Variants in ABCA13 observed in about 807,000 individuals in gnomAD.
ABCA13 encodes ATP binding cassette subfamily A member 13, also known as ATP-binding cassette sub-family A member 13.
A neutral mutation model predicts 478.7 loss-of-function variants in ABCA13; 476 were observed. The observed-to-expected ratio is 0.99, with a 90% CI of 0.92 to 1.07. ABCA13 has a LOEUF of 1.07. Among genes scored for constraint, ABCA13 ranks in the 50% least tolerant of loss-of-function variants. ABCA13 has a pLI of 0.00. For synonymous variants in ABCA13, 2,252 were observed against 2,158.9 expected (o/e 1.04, Z -1.20); for missense variants, 6,060 against 5,910.6 (o/e 1.03, Z -0.83).
rs761680888 is a variant in ABCA13 at position 48,279,182 on chromosome 7, C to T, written c.7988C>T (p.Thr2663Ile). 5 of 1,599,186 alleles carry T rather than the reference C, an allele frequency of 3.1e-6. No individual in the cohort carries two copies. The East Asian group carries it at 1.1e-4, about 36-fold the overall frequency. ...RSLAVAFNNE[T>I]QTFSMDSVNL... ...CTTGCGGTAGCATTTAACAATGAGACTCAAACATTTTCTATGGATTCTGTC... is the reference window on the plus strand; with the variant it reads ...CTTGCGGTAGCATTTAACAATGAGATTCAAACATTTTCTATGGATTCTGTC... The change falls in exon 18 of 62, where the codon ACT (threonine) becomes ATT (isoleucine). Residue 2663 changes from threonine to isoleucine, a missense_variant. Thr to Ile is a moderately conservative substitution (Grantham distance 89, BLOSUM62 -1). This residue lies in a region of ABCA13 where 4,423 missense variants were observed against 4,309.1 expected (regional missense o/e 1.03). Transcript: ENST00000435803.
intron 58 of ABCA13, among the ~76,000 whole-genome samples, chr7:48,595,558 A>C (rs557608987): frequency 2.2e-4 from 33 of 152,354 alleles, no homozygotes; most frequent in African/African-American, 7.7e-4. Flanking sequence ...GGATGTTGAC[A>C]GAAGAAATGA....
chr7:48,641,515 A>C (rs531996413), intron 59 of ABCA13, among the ~76,000 whole-genome samples: 1 of 152,340 alleles, frequency 6.6e-6, no homozygotes, highest in South Asian at 2.1e-4. Context: ...TACTATAATT[A>C]ATCTATTTGC....
chr7:48,469,910 A>C, intron 44 of ABCA13, among the ~76,000 whole-genome samples: 2 of 143,942 alleles, frequency 1.4e-5, no homozygotes, highest in African/African-American at 2.5e-5. Context: ...ACAGGGTGAG[A>C]CTCCATCTCA....
chr7:48,497,552 C>T (rs1165534371), intron 48 of ABCA13, among the ~76,000 whole-genome samples: 1 of 152,164 alleles, frequency 6.6e-6, no homozygotes, highest in Non-Finnish European at 1.5e-5. Flanking sequence ...GGCAAGCCCT[C>T]TGTTGAGGAA....
At chr7:48,459,616 G>A (rs1393265173) in intron 43 of ABCA13, among the ~76,000 whole-genome samples, 9 of 152,090 alleles carry the variant, frequency 5.9e-5, no homozygotes, top group Admixed American at 2.0e-4. Context: ...AACTTAGTGC[G>A]GGAGATTCTT....
chr7:48,410,997 TTC>T (rs1491036973), intron 40 of ABCA13, among the ~76,000 whole-genome samples: 7 of 104,756 alleles, frequency 6.7e-5, no homozygotes, highest in African/African-American at 2.1e-4. Flanking sequence ...CTTTCTTTCT[TTC>T]TTTCTTTCTT....
At chr7:48,420,822 C>T (rs551980728) in intron 41 of ABCA13, among the ~76,000 whole-genome samples, 2 of 151,890 alleles carry the variant, frequency 1.3e-5, no homozygotes, top group Admixed American at 1.3e-4. Flanking sequence ...CAATTGTGCC[C>T]CTCATGTCCC....
chr7:48,595,085 C>T (rs1790150648), intron 58 of ABCA13, among the ~76,000 whole-genome samples: 1 of 152,308 alleles, frequency 6.6e-6, no homozygotes, highest in South Asian at 2.1e-4. Flanking sequence ...CTTGCCTCAT[C>T]CATTGCTACT....
intron 52 of ABCA13, among the ~76,000 whole-genome samples, chr7:48,519,239 T>A (rs1377785130): frequency 6.6e-6 from 1 of 152,188 alleles, no homozygotes; most frequent in Non-Finnish European, 1.5e-5. Flanking sequence ...GTCTTTGCTA[T>A]TGTGAATAGT....
chr7:48,347,697 C>T (rs961446471), intron 29 of ABCA13, among the ~76,000 whole-genome samples: 8 of 152,156 alleles, frequency 5.3e-5, no homozygotes, highest in Non-Finnish European at 7.4e-5. Context: ...TGGAAAGTCC[C>T]CTGCCACACA....
intron 31 of ABCA13, among the ~76,000 whole-genome samples, chr7:48,361,013 T>C (rs1223160648): frequency 4.0e-5 from 6 of 151,712 alleles, no homozygotes; most frequent in Middle Eastern, 6.8e-3. Context: ...GGAGAATTGC[T>C]TGAGCCCAGG....
At chr7:48,587,001 G>A (rs1037824282) in intron 56 of ABCA13, among the ~76,000 whole-genome samples, 153 bp from the exon 57 acceptor site, 1 of 152,154 alleles carries the variant, frequency 6.6e-6, no homozygotes, top group Admixed American at 6.5e-5. Flanking sequence ...TGCCTGTATG[G>A]TAAAGGGGGA....
intron 31 of ABCA13, among the ~76,000 whole-genome samples, chr7:48,356,094 C>A (rs1024555617): frequency 2.0e-5 from 3 of 151,944 alleles, no homozygotes; most frequent in African/African-American, 7.3e-5. Context: ...GGAGGAAAAC[C>A]TACAGAGTGT....
chr7:48,266,042 T>C (rs1274377800), intron 15 of ABCA13, among the ~76,000 whole-genome samples: 1 of 151,766 alleles, frequency 6.6e-6, no homozygotes, highest in East Asian at 1.9e-4. Flanking sequence ...TTGAATTTAG[T>C]TTTTGTAAAA....
rs1460711620 is a variant in ABCA13 at position 48,646,227 on chromosome 7, G to T, written c.*715G>T. The T allele has an allele frequency of 6.6e-6, 1 of 152,176 alleles. No homozygotes were observed. Among genetic ancestry groups the T allele is most frequent in the Non-Finnish European group, 1.5e-5 (1 of 68,044 alleles). 9.4% of individuals were successfully genotyped at this position (152,176 alleles called of 1,614,324 possible). A position where few individuals can be genotyped will look rare whatever the true frequency, so the allele number is the denominator to read the frequency against. ...CCAGGTTATAATTTATGAGGGTAGAGAAATAAAATGTAGATGCATTTTCTT... is the reference window on the plus strand; with the variant it reads ...CCAGGTTATAATTTATGAGGGTAGATAAATAAAATGTAGATGCATTTTCTT... On this transcript the variant is annotated 3_prime_UTR_variant, in exon 62 of 62. Transcript: ENST00000435803.
rs1031272158 is a variant in ABCA13 at position 48,370,558 on chromosome 7, A to G, written c.10804-1610A>G. Among the ~76,000 whole-genome samples, 4 of 152,248 alleles carry G rather than the reference A, an allele frequency of 2.6e-5. No individual in the cohort carries two copies. The South Asian group carries it at 8.3e-4, about 32-fold the overall frequency. ...CATATACGGCTCAGACCATAGTGAA[A>G]TAAAATTGGAAATCAACTACAAAAA... On this transcript the variant is annotated intron_variant, in intron 32 of 61. Coordinates refer to ENST00000435803, the MANE Select transcript of ABCA13 (RefSeq NM_152701.5).
chr7:48,382,858 G>T (rs1202594190), intron 35 of ABCA13, among the ~76,000 whole-genome samples: 1 of 152,044 alleles, frequency 6.6e-6, no homozygotes, highest in African/African-American at 2.4e-5. Context: ...CCACTAGAGG[G>T]TGTGACTAGT....
At chr7:48,342,225 T>C (rs1022394778) in intron 29 of ABCA13, among the ~76,000 whole-genome samples, 1 of 152,184 alleles carries the variant, frequency 6.6e-6, no homozygotes, top group Non-Finnish European at 1.5e-5. Flanking sequence ...TTAACATTTA[T>C]GGAGACTCAC....
At chr7:48,376,343 A>G (rs959612080) in intron 34 of ABCA13, 98 bp from the exon 35 acceptor site, 5 of 1,454,888 alleles carry the variant, frequency 3.4e-6, no homozygotes, top group Admixed American at 4.3e-5. Flanking sequence ...GTTCTGTTCA[A>G]CTTCACTTGA....
Sources: allele counts gnomAD v4.1 joint callset (sites outside exome capture counted in the v4.1 genomes callset), GRCh38; gene constraint gnomAD v4.1.1; regional missense constraint gnomAD v4.1.1; transcripts MANE v1.5; gene names NCBI Gene and HGNC (gene_info 2026-07-23, HGNC 2026-07-21).